Variants in MAP7 observed in about 807,000 individuals in gnomAD.
MAP7 encodes the protein microtubule associated protein 7.
Under a neutral mutation model 94.8 loss-of-function variants are expected in MAP7, and 52 were observed. That is an observed-to-expected ratio of 0.55 (90% CI 0.44 to 0.69). MAP7 has a LOEUF of 0.69. Ranked by LOEUF, MAP7 falls within the 30% of genes least tolerant of loss-of-function variation. MAP7 has a pLI of 0.00. For synonymous variants in MAP7, 350 were observed against 357.0 expected, an observed-to-expected ratio of 0.98 and a Z score of 0.22; for missense variants, 940 against 964.6, an observed-to-expected ratio of 0.97 and a Z score of 0.34.
At chr6:136,526,273 G>GCA (rs1371034478) in intron 1 of MAP7, 336 of 1,057,098 alleles carry the variant, frequency 3.2e-4, no homozygotes, top group Middle Eastern at 4.3e-4. Context: ...ACGTACACGC[G>GCA]CGCGCACACA....
At chr6:136,383,803 C>T in intron 5 of MAP7, 22 bp from the exon 6 acceptor site, 1 of 1,413,796 alleles carries the variant, frequency 7.1e-7, no homozygotes, top group Non-Finnish European at 1.0e-6. Flanking sequence ...GGAGATAATG[C>T]TAATTGACAG....
intron 7 of MAP7, 122 bp from the exon 8 acceptor site, chr6:136,372,747 A>G: frequency 8.2e-7 from 1 of 1,214,762 alleles, no homozygotes; most frequent in Non-Finnish European, 1.2e-6. Context: ...GCAGAGATAG[A>G]GAGAAAAGTA....
At chr6:136,493,773 C>T (rs1817422966) in intron 1 of MAP7, among the ~76,000 whole-genome samples, 1 of 152,156 alleles carries the variant, frequency 6.6e-6, no homozygotes, top group Non-Finnish European at 1.5e-5. Context: ...AACTCTCAGA[C>T]ATATGTGATA....
chr6:136,448,701 C>T (rs1252005894), intron 1 of MAP7, among the ~76,000 whole-genome samples: 2 of 151,906 alleles, frequency 1.3e-5, no homozygotes, highest in African/African-American at 2.4e-5. Flanking sequence ...GCGTGGCCAC[C>T]GTGCCTAGCA....
intron 16 of MAP7, among the ~76,000 whole-genome samples, chr6:136,348,209 G>A (rs1333482429): frequency 6.6e-6 from 1 of 152,144 alleles, no homozygotes; most frequent in Non-Finnish European, 1.5e-5. Context: ...CGTATCTCCA[G>A]AGCCCCCTTT....
chr6:136,411,649 T>C lies in MAP7; in HGVS notation c.215A>G (p.Glu72Gly). The C allele has an allele frequency of 1.3e-6, 2 of 1,562,560 alleles. No homozygotes were observed. Among genetic ancestry groups the C allele is most frequent in the Non-Finnish European group, 1.7e-6 (2 of 1,152,712 alleles). ...RVDDRQRLARERREEREKQLA... is the reference protein window; with the variant it reads ...RVDDRQRLARGRREEREKQLA... ...CTGTTTCTCCCGTTCCTCACGTCGC[T>C]CCCGGGCCAGCCGCTGCCGGTCATC... The change falls in exon 3 of 18, where the codon GAG becomes GGG. Residue 72 changes from glutamate (E) to glycine (G), a missense_variant. Physicochemically the swap from Glu to Gly is moderately conservative, Grantham distance 98. Coordinates refer to ENST00000354570, the MANE Select transcript of MAP7 (RefSeq NM_003980.6).
intron 1 of MAP7, among the ~76,000 whole-genome samples, chr6:136,537,081 C>G (rs1314741726): frequency 6.6e-6 from 1 of 152,016 alleles, no homozygotes; most frequent in Non-Finnish European, 1.5e-5. Flanking sequence ...ACATGTGGGT[C>G]TCATCACATA....
chr6:136,429,856 C>T (rs112035557), intron 1 of MAP7, among the ~76,000 whole-genome samples: 2,107 of 152,250 alleles, frequency 0.014, 57 homozygotes, highest in African/African-American at 0.048. Context: ...TTTCCCCTTG[C>T]GTTAATATAA....
At chr6:136,354,515 C>A (rs913378704) in intron 16 of MAP7, among the ~76,000 whole-genome samples, 2 of 148,514 alleles carry the variant, frequency 1.3e-5, no homozygotes, top group Non-Finnish European at 3.0e-5. Context: ...AGGAGAGACA[C>A]TGGAGTAGAT....
chr6:136,490,964 C>T (rs1295680436), intron 1 of MAP7, among the ~76,000 whole-genome samples: 2 of 152,188 alleles, frequency 1.3e-5, no homozygotes, highest in African/African-American at 4.8e-5. Flanking sequence ...CTTTCAGATG[C>T]AGACTTCATG....
At chr6:136,523,589 A>C (rs1253467585) in intron 1 of MAP7, among the ~76,000 whole-genome samples, 1 of 152,238 alleles carries the variant, frequency 6.6e-6, no homozygotes, top group Non-Finnish European at 1.5e-5. Context: ...TTCATTGAGC[A>C]TAATTAGAGA....
Position 136,344,210 on chromosome 6 carries a change from G to C in MAP7, c.*18C>G, listed in dbSNP as rs763736952. On this transcript the variant is annotated 3_prime_UTR_variant, in exon 18 of 18. Transcript: ENST00000354570. Reference sequence around the variant, plus strand: ...AAATTCTCATTAAATTTCAGCTTTGGTTCTTCAGAAGAAACACTCATATAA... The same window carrying C: ...AAATTCTCATTAAATTTCAGCTTTGCTTCTTCAGAAGAAACACTCATATAA... 2.2e-5 allele frequency: 29 copies of C among 1,318,192 alleles called. No homozygotes were observed. Among genetic ancestry groups the C allele is most frequent in the Non-Finnish European group, 2.5e-5 (25 of 986,736 alleles). The allele number at this position is 1,318,192 out of a possible 1,614,324, so 81.7% of individuals were successfully genotyped here. A position where few individuals can be genotyped will look rare whatever the true frequency, so the allele number is the denominator to read the frequency against.
At chr6:136,353,163 T>G (rs1789713471) in intron 16 of MAP7, among the ~76,000 whole-genome samples, 1 of 152,154 alleles carries the variant, frequency 6.6e-6, no homozygotes, top group African/African-American at 2.4e-5. Context: ...CCAGGTAACT[T>G]AAAAAAATAA....
At chr6:136,347,698 G>A (rs901585135) in intron 16 of MAP7, among the ~76,000 whole-genome samples, 4 of 152,190 alleles carry the variant, frequency 2.6e-5, no homozygotes, top group Admixed American at 1.3e-4. Flanking sequence ...GAGCCACCAC[G>A]CCCAGTCAAA....
intron 1 of MAP7, among the ~76,000 whole-genome samples, chr6:136,440,631 C>A (rs2128844267): frequency 6.6e-6 from 1 of 152,102 alleles, no homozygotes; most frequent in Middle Eastern, 3.4e-3. Flanking sequence ...AAGGAGGAAA[C>A]TATACATTTT....
chr6:136,368,541 GA>G (rs1172691273), intron 8 of MAP7, among the ~76,000 whole-genome samples: 4 of 152,182 alleles, frequency 2.6e-5, no homozygotes, highest in Admixed American at 6.5e-5. Flanking sequence ...CTGATATGAT[GA>G]AGATGTTCTA....
rs112234714 is a variant in MAP7 at position 136,357,189 on chromosome 6, C to T, written c.1913-395G>A. 1.0e-3 allele frequency among the ~76,000 whole-genome samples: 152 copies of T among 152,296 alleles called. 1 individual carries two copies. Among genetic ancestry groups the T allele is most frequent in the African/African-American group, 3.5e-3 (146 of 41,568 alleles). The stretch of plus-strand genomic sequence containing the variant: ...TCTTTACAAAGGATTCAGAGCAAAT[C>T]ACCAAGGAACACCATAAGTATTAAA... On this transcript the variant is annotated intron_variant, in intron 15 of 17. Transcript: ENST00000354570.
At chr6:136,410,434 G>A (rs767011285) in intron 3 of MAP7, among the ~76,000 whole-genome samples, 40 of 152,208 alleles carry the variant, frequency 2.6e-4, no homozygotes, top group Non-Finnish European at 4.4e-4. Context: ...AGGGAGCAAT[G>A]AGCATATTCA....
chr6:136,429,740 A>T (rs1794343860), intron 1 of MAP7, among the ~76,000 whole-genome samples: 1 of 152,220 alleles, frequency 6.6e-6, no homozygotes, highest in Admixed American at 6.5e-5. Context: ...TACACACTTT[A>T]AATTCAACCA....
Sources: allele counts gnomAD v4.1 joint callset (sites outside exome capture counted in the v4.1 genomes callset), GRCh38; gene constraint gnomAD v4.1.1; transcripts MANE v1.5; gene names NCBI Gene and HGNC (gene_info 2026-07-23, HGNC 2026-07-21).